ATF6: variants seen among roughly 807,000 people sequenced by gnomAD.
ATF6 encodes cyclic AMP-dependent transcription factor ATF-6 alpha.
In ATF6, 53 loss-of-function variants were observed where a neutral mutation model predicts 83.6. The ratio of observed to expected loss-of-function variants is 0.63; its 90% CI spans 0.51 to 0.80. ATF6 has a LOEUF of 0.80. ATF6 is among the 30% of genes least tolerant of loss of function. ATF6 has a pLI of 0.00. For missense variants in ATF6, 744 were observed against 797.9 expected (o/e 0.93, Z 0.81); for synonymous variants, 288 against 285.8 (o/e 1.01, Z -0.08).
chr1:161,786,733 C>T (rs1684756814), intron 4 of ATF6, among the ~76,000 whole-genome samples: 1 of 152,168 alleles, frequency 6.6e-6, no homozygotes, highest in Admixed American at 6.5e-5. Context: ...CCTACAAGCA[C>T]AGATATTTCT....
intron 9 of ATF6, 106 bp downstream of exon 9, chr1:161,821,267 A>T: frequency 1.3e-6 from 1 of 755,434 alleles, no homozygotes; most frequent in Non-Finnish European, 2.1e-6. Flanking sequence ...GTTTTTCAAG[A>T]TGTGTAAAGA....
At chr1:161,860,317 T>A (rs1686856224) in intron 13 of ATF6, 40 bp downstream of exon 13, 1 of 1,423,384 alleles carries the variant, frequency 7.0e-7, no homozygotes, top group Non-Finnish European at 9.4e-7. Context: ...GAATTTAAAA[T>A]AGCTGGTATT....
At chr1:161,805,911 C>G (rs979220201) in intron 7 of ATF6, among the ~76,000 whole-genome samples, 4 of 151,908 alleles carry the variant, frequency 2.6e-5, no homozygotes, top group African/African-American at 7.3e-5. Flanking sequence ...GTTTCACTCT[C>G]CAGAGGCCTG....
At chr1:161,828,797 G>A (rs953522119) in intron 9 of ATF6, among the ~76,000 whole-genome samples, 2 of 152,134 alleles carry the variant, frequency 1.3e-5, no homozygotes, top group African/African-American at 4.8e-5. Context: ...TATGTTGGTG[G>A]TGCCTGTAGG....
intron 9 of ATF6, among the ~76,000 whole-genome samples, chr1:161,835,351 C>T (rs1686188259): frequency 6.6e-6 from 1 of 152,166 alleles, no homozygotes; most frequent in African/African-American, 2.4e-5. Context: ...CCAGCATGCC[C>T]AGCCTTACTC....
rs1684882180 is a variant in ATF6 at position 161,791,540 on chromosome 1, A to G, written c.484+3A>G. The stretch of plus-strand genomic sequence containing the variant: ...CACTGGTCCTAGGAACAAGACTGGT[A>G]TTACTCTATCTCCTAACTTCTGTTA... On this transcript the variant is annotated splice_donor_region_variant and intron_variant, in intron 5 of 15. Coordinates refer to ENST00000367942, the MANE Select transcript of ATF6 (RefSeq NM_007348.4). 1 of 1,599,688 alleles carries G rather than the reference A, an allele frequency of 6.3e-7. No individual in the cohort carries two copies. The highest frequency in any genetic ancestry group is 8.5e-7 in the Non-Finnish European group (1 of 1,176,888).
intron 14 of ATF6, among the ~76,000 whole-genome samples, chr1:161,873,490 T>C (rs1325096805): frequency 1.3e-5 from 2 of 151,606 alleles, no homozygotes; most frequent in Admixed American, 1.3e-4. Context: ...TCCCCTCTCC[T>C]ATATAGTATA....
In ATF6 at chr1:161,774,603, G is replaced by A. The variant is rs1289661112; in HGVS notation, c.83-3641G>A. ...TTCTCTCTTTCTCCCTTTCAAGAGA[G>A]AGAGATGTGTTGACCCATCACCTTT... On this transcript the variant is annotated intron_variant, in intron 1 of 15. Transcript: ENST00000367942. Among the ~76,000 whole-genome samples the A allele has an allele frequency of 5.9e-5, 9 of 152,114 alleles. 1 individual carries two copies. The highest frequency in any genetic ancestry group is 4.1e-4 in the South Asian group (2 of 4,830).
chr1:161,851,804 C>G lies in ATF6; in HGVS notation c.1402C>G (p.Gln468Glu), dbSNP rs972381585. 6.2e-7 allele frequency: 1 copy of G among 1,613,684 alleles called. No individual in the cohort carries two copies. The highest frequency in any genetic ancestry group is 8.5e-7 in the Non-Finnish European group (1 of 1,179,644). Residue 468 changes from glutamine to glutamate, a missense_variant, in exon 11 of 16, where the codon CAG becomes GAG. By Grantham distance (29) the Gln-to-Glu change is conservative. Coordinates refer to ENST00000367942, the MANE Select transcript of ATF6 (RefSeq NM_007348.4). ...PLLYIPPPPC[Q>E]PLINTTESLR... ...GCTTTACATTCCTCCACCTCCTTGT[C>G]AGCCCCTAATTAACACAACAGAGTC... is the stretch of plus-strand genomic sequence containing the variant.
Position 161,819,707 on chromosome 1 carries a change from A to G in ATF6, c.984A>G (p.Lys328=). 3 of 1,613,064 alleles carry G rather than the reference A, an allele frequency of 1.9e-6. No individual in the cohort carries two copies. Among genetic ancestry groups the G allele is most frequent in the Non-Finnish European group, 1.7e-6 (2 of 1,179,596 alleles). Residue 328 remains lysine, a synonymous_variant, in exon 8 of 16, where the codon AAA becomes AAG. Transcript: ENST00000367942. ...CTTGTCAGTCTCGCAAGAAGAAGAA[A>G]GAATATATGCTAGGGTTAGAGGCGA... ...ESACQSRKKK[K]EYMLGLEARL...
chr1:161,851,254 ACACAC>A (rs374526525), intron 10 of ATF6, among the ~76,000 whole-genome samples: 68,365 of 147,734 alleles, frequency 0.46, 20,340 homozygotes, highest in Middle Eastern at 0.65. Flanking sequence ...ACACACACAC[ACACAC>A]ACACACACAC....
chr1:161,894,813 G>A (rs1687641804), intron 14 of ATF6, among the ~76,000 whole-genome samples: 1 of 149,636 alleles, frequency 6.7e-6, no homozygotes, highest in Non-Finnish European at 1.5e-5. Context: ...GCCTCCCAAA[G>A]TGCTGGGATT....
chr1:161,949,518 A>C (rs1173395597), intron 15 of ATF6, among the ~76,000 whole-genome samples: 1 of 152,182 alleles, frequency 6.6e-6, no homozygotes, highest in Non-Finnish European at 1.5e-5. Context: ...GGAATACCTG[A>C]GGCTGGGTAA....
chr1:161,925,334 C>T (rs1688291969), intron 15 of ATF6, among the ~76,000 whole-genome samples: 1 of 152,094 alleles, frequency 6.6e-6, no homozygotes, highest in South Asian at 2.1e-4. Flanking sequence ...TACATTGTAC[C>T]TTCTGTCAAA....
intron 14 of ATF6, among the ~76,000 whole-genome samples, chr1:161,906,909 A>G (rs1006873871): frequency 2.0e-5 from 3 of 152,332 alleles, no homozygotes; most frequent in Middle Eastern, 6.8e-3. Context: ...TGTTTTTACT[A>G]TGCTGAGAAG....
intron 12 of ATF6, among the ~76,000 whole-genome samples, chr1:161,855,486 A>G (rs1686736921): frequency 1.3e-5 from 2 of 152,180 alleles, no homozygotes; most frequent in Admixed American, 1.3e-4. Flanking sequence ...CAAGTGGAGA[A>G]GTCAAGTGGA....
chr1:161,882,322 A>C (rs1324253261), intron 14 of ATF6, among the ~76,000 whole-genome samples: 1 of 152,148 alleles, frequency 6.6e-6, no homozygotes, highest in Non-Finnish European at 1.5e-5. Context: ...TGGAGACCAG[A>C]TGAGACAAAC....
At chr1:161,797,776 A>G (rs1277488755) in intron 6 of ATF6, among the ~76,000 whole-genome samples, 1 of 152,220 alleles carries the variant, frequency 6.6e-6, no homozygotes, top group East Asian at 1.9e-4. Flanking sequence ...TGCTATTCCT[A>G]TCAAACTATC....
chr1:161,891,602 C>T (rs935625833), intron 14 of ATF6: 4 of 152,198 alleles, frequency 2.6e-5, no homozygotes, highest in Admixed American at 1.3e-4. Flanking sequence ...ACGAGTATGC[C>T]ACCTTGCGTG....
Sources: gnomAD v4.1 joint callset for allele counts (sites outside exome capture counted in the v4.1 genomes callset) on GRCh38, gnomAD v4.1.1 for gene constraint, MANE v1.5 for transcripts, NCBI Gene and HGNC (gene_info 2026-07-23, HGNC 2026-07-21) for gene names.